TRAP1: variants seen among roughly 807,000 people sequenced by gnomAD.
TRAP1 encodes heat shock protein 75 kDa, mitochondrial.
Under a neutral mutation model 89.1 loss-of-function variants are expected in TRAP1, and 102 were observed. The ratio of observed to expected loss-of-function variants is 1.15; its 90% confidence interval spans 0.98 to 1.35. The LOEUF (loss-of-function observed/expected upper bound fraction) is 1.35. Among genes scored for constraint, TRAP1 ranks in the 40% most tolerant of loss-of-function variants. The pLI is 0.00. For missense variants in TRAP1, 1,256 were observed against 945.3 expected (o/e 1.33, Z -4.31); for synonymous variants, 508 against 388.0 (o/e 1.31, Z -3.64).
At chr16:3,682,388 A>C (rs2051083641) in intron 4 of TRAP1, among the ~76,000 whole-genome samples, 1 of 84,154 alleles carries the variant, frequency 1.2e-5, no homozygotes, top group South Asian at 4.8e-4. Context: ...CTGCCTCTAC[A>C]AAAAAAAAAA....
In TRAP1 at chr16:3,658,735, C is replaced by T. The variant is rs527522172; in HGVS notation, c.2013+58G>A. On this transcript the variant is annotated intron_variant, in intron 17 of 17. Coordinates refer to ENST00000246957, the MANE Select transcript of TRAP1 (RefSeq NM_016292.3). ...GGAAACCGCTGTTCCACCCTGAAGG[C>T]AGGCTGGCAGGGCTGGTAGCCTGGG... 10 of 1,530,960 alleles carry T rather than the reference C, an allele frequency of 6.5e-6. No homozygotes were observed. The African/African-American group carries it at 8.2e-5, about 13-fold the overall frequency. 94.8% of individuals were successfully genotyped at this position (1,530,960 alleles called of 1,614,324 possible).
intron 1 of TRAP1, among the ~76,000 whole-genome samples, chr16:3,696,846 C>A (rs2051294225): frequency 2.0e-5 from 3 of 152,054 alleles, no homozygotes. Flanking sequence ...CCCACCTCAA[C>A]CTTCCGAGTA....
chr16:3,658,365 A>AT (rs2042847303), intron 17 of TRAP1, 135 bp from the exon 18 acceptor site: 15 of 705,438 alleles, frequency 2.1e-5, no homozygotes, highest in Non-Finnish European at 3.6e-5. Context: ...ACCTCAGGTG[A>AT]TCCCCCCGCC....
chr16:3,668,771 C>T (rs2050871644), intron 11 of TRAP1, among the ~76,000 whole-genome samples: 1 of 152,216 alleles, frequency 6.6e-6, no homozygotes, highest in South Asian at 2.1e-4. Flanking sequence ...AGGACCACCC[C>T]TCTGTGACTC....
chr16:3,675,516 T>G, intron 7 of TRAP1, 119 bp from the exon 8 acceptor site: 2 of 911,566 alleles, frequency 2.2e-6, no homozygotes, highest in Non-Finnish European at 1.7e-6. Context: ...CTGTGTACAC[T>G]TCACAGGTAC....
intron 1 of TRAP1, among the ~76,000 whole-genome samples, chr16:3,698,916 A>T (rs984142374): frequency 6.6e-6 from 1 of 152,098 alleles, no homozygotes; most frequent in African/African-American, 2.4e-5. Context: ...AAAAAAAAAT[A>T]AACCATTAGA....
At chr16:3,700,261 G>T (rs570968112) in intron 1 of TRAP1, among the ~76,000 whole-genome samples, 1 of 149,466 alleles carries the variant, frequency 6.7e-6, no homozygotes, top group Admixed American at 6.7e-5. Context: ...TCCTCCTCCC[G>T]GGTTCAAGCG....
At chr16:3,710,243 T>C (rs751015681) in intron 1 of TRAP1, 12 of 152,210 alleles carry the variant, frequency 7.9e-5, no homozygotes, top group Non-Finnish European at 1.2e-4. Flanking sequence ...ACTGGCCCCA[T>C]ATGAAATCCA....
chr16:3,658,513 T>C (rs2042856646), intron 17 of TRAP1: 4 of 568,282 alleles, frequency 7.0e-6, no homozygotes, highest in South Asian at 4.2e-5. Context: ...GAAAACCCCA[T>C]CTCTACTAAA....
intron 4 of TRAP1, among the ~76,000 whole-genome samples, chr16:3,681,664 A>T (rs1017904703): frequency 6.6e-6 from 1 of 152,270 alleles, no homozygotes; most frequent in Non-Finnish European, 1.5e-5. Flanking sequence ...GTCATTAAAT[A>T]TAAGTTTCAT....
chr16:3,707,634 G>A lies in TRAP1; in HGVS notation c.88+9787C>T, dbSNP rs566024177. ...TTTGGGAGGCTGAGGTGGGTGGATC[G>A]CCTGAGGTCAGGAGTTCGAGACCAG... On this transcript the variant is annotated intron_variant, in intron 1 of 17. Coordinates refer to ENST00000246957, the MANE Select transcript of TRAP1 (RefSeq NM_016292.3). Among the ~76,000 whole-genome samples, 113 of 150,270 alleles carry A rather than the reference G, an allele frequency of 7.5e-4. 1 individual carries two copies. The highest frequency in any genetic ancestry group is 5.6e-3 in the Admixed American group (84 of 15,076).
intron 1 of TRAP1, among the ~76,000 whole-genome samples, chr16:3,699,967 C>T (rs760647769): frequency 2.0e-5 from 3 of 152,014 alleles, no homozygotes; most frequent in Non-Finnish European, 2.9e-5. Flanking sequence ...TGAGCCACCA[C>T]GCCCAGCCTG....
At chr16:3,672,888 G>C in intron 9 of TRAP1, 68 bp from the exon 10 acceptor site, 2 of 1,546,292 alleles carry the variant, frequency 1.3e-6, no homozygotes, top group Non-Finnish European at 1.7e-6. Context: ...GCTGGGAGGT[G>C]GGGGCGGACA....
At chr16:3,688,309 G>C (rs2051165467) in intron 3 of TRAP1, among the ~76,000 whole-genome samples, 1 of 152,096 alleles carries the variant, frequency 6.6e-6, no homozygotes, top group South Asian at 2.1e-4. Context: ...CCCCAAATGC[G>C]TTTTAATTTC....
intron 2 of TRAP1, chr16:3,689,872 G>C (rs1400427960): frequency 6.6e-6 from 1 of 152,350 alleles, no homozygotes; most frequent in East Asian, 1.9e-4. Flanking sequence ...TCTCAGAAAG[G>C]AGGTCTCAGG....
At chr16:3,684,025 G>C (rs1298906950) in intron 4 of TRAP1, among the ~76,000 whole-genome samples, 1 of 151,960 alleles carries the variant, frequency 6.6e-6, no homozygotes, top group Non-Finnish European at 1.5e-5. Context: ...AATTAGCCGG[G>C]TGTGGTGGCA....
At chr16:3,681,058 GC>G (rs1474791872) in intron 4 of TRAP1, among the ~76,000 whole-genome samples, 2 of 152,204 alleles carry the variant, frequency 1.3e-5, no homozygotes, top group Admixed American at 1.3e-4. Context: ...CTTCCTCAAA[GC>G]CCAGTCAGAC....
At chr16:3,667,494 G>A (rs1255083636) in intron 11 of TRAP1, among the ~76,000 whole-genome samples, 1 of 151,606 alleles carries the variant, frequency 6.6e-6, no homozygotes, top group Admixed American at 6.6e-5. Context: ...GCATGGTGGT[G>A]GGTGACTGTA....
chr16:3,703,307 T>C (rs918671145), intron 1 of TRAP1, among the ~76,000 whole-genome samples: 1 of 151,534 alleles, frequency 6.6e-6, no homozygotes, highest in Non-Finnish European at 1.5e-5. Context: ...CTGTTACATA[T>C]GCTACATACT....
Sources: allele counts gnomAD v4.1 joint callset (sites outside exome capture counted in the v4.1 genomes callset), GRCh38; gene constraint gnomAD v4.1.1; transcripts MANE v1.5; gene names NCBI Gene and HGNC (gene_info 2026-07-23, HGNC 2026-07-21).